RIPOR2: variants seen among roughly 807,000 people sequenced by gnomAD.
The protein encoded by RIPOR2 is rho family-interacting cell polarization regulator 2.
In RIPOR2, 39 loss-of-function variants were observed where a neutral mutation model predicts 114.5. The observed-to-expected ratio is 0.34, with a 90% confidence interval of 0.26 to 0.44. The LOEUF (loss-of-function observed/expected upper bound fraction) is 0.44. RIPOR2 is among the 20% of genes least tolerant of loss of function. The probability of loss-of-function intolerance (pLI) is 1.00; values close to 1 mark genes in which losing one functional copy is unlikely to be tolerated. For synonymous variants in RIPOR2, 445 were observed against 484.4 expected (o/e 0.92, Z 1.07); for missense variants, 1,007 against 1,255.1 (o/e 0.80, Z 2.99).
Position 24,873,678 on chromosome 6 carries a change from C to T in RIPOR2, c.310G>A (p.Glu104Lys), listed in dbSNP as rs1358073490. The T allele has an allele frequency of 3.1e-6, 5 of 1,613,508 alleles. No individual in the cohort carries two copies. The Admixed American group carries it at 5.0e-5, about 16-fold the overall frequency. ...TTTTTCAAGGCCCTGTAGACTTCTT[C>T]CACCCTTTTAGGCTGAGGCTCTTTG... The part of the protein sequence containing the change: ...PPKEPQPKRV[E>K]EVYRALKNGL... Residue 104 changes from glutamate to lysine, a missense_variant, in exon 3 of 22, where the codon GAA becomes AAA. By Grantham distance (56) the Glu-to-Lys change is moderately conservative (BLOSUM62 1). Coordinates refer to ENST00000643898, the MANE Select transcript of RIPOR2 (RefSeq NM_001286445.3).
At chr6:24,849,979 C>A (rs1406613159) in intron 10 of RIPOR2, 29 bp from the exon 11 acceptor site, 2 of 1,599,872 alleles carry the variant, frequency 1.3e-6, no homozygotes, top group South Asian at 2.2e-5. Context: ...GAGAATAGGC[C>A]TTACATCACA....
intron 12 of RIPOR2, among the ~76,000 whole-genome samples, chr6:24,845,947 T>C (rs947185163): frequency 4.6e-5 from 7 of 152,090 alleles, no homozygotes; most frequent in African/African-American, 1.4e-4. Flanking sequence ...CAGCAGAGGA[T>C]AGAGAGTGAA....
chr6:24,874,622 C>T (rs778740971), intron 2 of RIPOR2, among the ~76,000 whole-genome samples: 8 of 152,166 alleles, frequency 5.3e-5, no homozygotes, highest in Non-Finnish European at 8.8e-5. Flanking sequence ...TTTTCTAAAA[C>T]ATCATAGGAA....
Position 24,910,802 on chromosome 6 carries a change from G to T in RIPOR2, c.61+25036C>A, listed in dbSNP as rs572969593. The T allele has an allele frequency of 4.4e-4, 434 of 985,432 alleles. 1 individual carries two copies. In the African/African-American group the frequency reaches 5.3e-3, roughly 12 times the overall value. The allele number at this position is 985,432 out of a possible 1,614,324, so 61.0% of individuals were successfully genotyped here. A position where few individuals can be genotyped will look rare whatever the true frequency, so the allele number is the denominator to read the frequency against. ...AAATCAGAAGCAAAAAAGGAGAAAT[G>T]AAAAGGTGAACCTACCTAACGACGA... is the stretch of plus-strand genomic sequence containing the variant. On this transcript the variant is annotated intron_variant, in intron 1 of 21. Transcript: ENST00000643898.
intron 1 of RIPOR2, among the ~76,000 whole-genome samples, chr6:24,896,491 C>T (rs1767900700): frequency 6.6e-6 from 1 of 152,104 alleles, no homozygotes; most frequent in African/African-American, 2.4e-5. Flanking sequence ...TTATCATGTA[C>T]CTGGGCTGTC....
chr6:24,881,264 A>T (rs1387730908), intron 1 of RIPOR2, among the ~76,000 whole-genome samples: 1 of 152,170 alleles, frequency 6.6e-6, no homozygotes, highest in East Asian at 1.9e-4. Context: ...TAAGTTATTG[A>T]CGTCTCACCT....
intron 3 of RIPOR2, 73 bp downstream of exon 3, chr6:24,873,571 A>T: frequency 7.5e-7 from 1 of 1,338,306 alleles, no homozygotes; most frequent in Non-Finnish European, 1.0e-6. Flanking sequence ...CTGAAAAATG[A>T]TCTCATAAGA....
chr6:24,949,367 G>A (rs1331629691), intron 1 of RIPOR2, among the ~76,000 whole-genome samples: 1 of 152,178 alleles, frequency 6.6e-6, no homozygotes, highest in East Asian at 1.9e-4. Context: ...TTTAAAAGGT[G>A]TTTTTACAGC....
chr6:24,875,666 C>T (rs778901274), intron 2 of RIPOR2, 25 bp downstream of exon 2: 17 of 1,602,626 alleles, frequency 1.1e-5, no homozygotes, highest in African/African-American at 5.4e-5. Context: ...AGCTGCATCC[C>T]GGGAGAGAAC....
chr6:24,889,241 G>A (rs908817527), intron 1 of RIPOR2, among the ~76,000 whole-genome samples: 1 of 152,162 alleles, frequency 6.6e-6, no homozygotes, highest in African/African-American at 2.4e-5. Flanking sequence ...TCAAGGCAGT[G>A]AGAGCTCATC....
intron 1 of RIPOR2, among the ~76,000 whole-genome samples, chr6:24,945,867 A>T (rs1448315233): frequency 6.6e-6 from 1 of 152,132 alleles, no homozygotes; most frequent in South Asian, 2.1e-4. Flanking sequence ...TTATTTTCTT[A>T]TGTGAACTTG....
chr6:24,979,233 G>A (rs183761853), intron 1 of RIPOR2, among the ~76,000 whole-genome samples: 4 of 147,868 alleles, frequency 2.7e-5, no homozygotes, highest in East Asian at 2.0e-4. Flanking sequence ...TGGGAAAACC[G>A]AAAACCAAAG....
At chr6:25,031,726 T>TAAA (rs1776964721) in intron 1 of RIPOR2, among the ~76,000 whole-genome samples, 1 of 106,326 alleles carries the variant, frequency 9.4e-6, no homozygotes, top group South Asian at 2.6e-4. Flanking sequence ...TATATATATA[T>TAAA]ATATATATAT....
chr6:24,999,123 G>A (rs1260311393), intron 1 of RIPOR2, among the ~76,000 whole-genome samples: 1 of 152,134 alleles, frequency 6.6e-6, no homozygotes, highest in Non-Finnish European at 1.5e-5. Flanking sequence ...GGTTACAGGA[G>A]AATAAAAATT....
intron 1 of RIPOR2, among the ~76,000 whole-genome samples, chr6:24,952,583 T>C (rs1344826026): frequency 6.6e-6 from 1 of 152,176 alleles, no homozygotes; most frequent in Non-Finnish European, 1.5e-5. Context: ...TAACCTCCAG[T>C]GCACAGATAA....
In RIPOR2 at chr6:24,998,150, C is replaced by T. The variant is rs562044690; in HGVS notation, c.76+43701G>A. Among the ~76,000 whole-genome samples, 4 of 152,222 alleles carry T rather than the reference C, an allele frequency of 2.6e-5. No homozygotes were observed. In the South Asian group the frequency reaches 8.3e-4, roughly 32 times the overall value. On this transcript the variant is annotated intron_variant, in intron 1 of 13. Coordinates refer to the RIPOR2 transcript ENST00000510784. ...AAACTGCCAAGCCCCTCTTTTTCTC[C>T]TTTTCCCCTTAACTTCCTCAATCTG...
intron 1 of RIPOR2, among the ~76,000 whole-genome samples, chr6:24,942,670 T>C (rs1308450933): frequency 6.6e-6 from 1 of 152,250 alleles, no homozygotes; most frequent in East Asian, 1.9e-4. Context: ...CCAGTGATGA[T>C]GAGCATTTTT....
rs537598254 is a variant in RIPOR2, at chr6:24,887,088, A to G, written c.62-11271T>C. Among the ~76,000 whole-genome samples the G allele has an allele frequency of 5.3e-5, 8 of 152,356 alleles. No homozygotes were observed. The South Asian group carries it at 1.7e-3, about 32-fold the overall frequency. On this transcript the variant is annotated intron_variant, in intron 1 of 21. Coordinates refer to ENST00000643898, the MANE Select transcript of RIPOR2 (RefSeq NM_001286445.3). ...CTACTATAATTTGATGCAAAAGCCA[A>G]CTGTTGTCTACAAGCATTTTCTGAG...
chr6:25,031,836 CA>C (rs1027405061), intron 1 of RIPOR2, among the ~76,000 whole-genome samples: 11 of 138,258 alleles, frequency 8.0e-5, no homozygotes, highest in African/African-American at 2.6e-4. Context: ...ATATATAATA[CA>C]AAAAGGTTAT....
Sources: allele counts gnomAD v4.1 joint callset (sites outside exome capture counted in the v4.1 genomes callset), GRCh38; gene constraint gnomAD v4.1.1; transcripts MANE v1.5; gene names NCBI Gene and HGNC (gene_info 2026-07-23, HGNC 2026-07-21).